The following RNF220 variants were observed in gnomAD, a reference collection of about 807,000 sequenced individuals.
RNF220 encodes E3 ubiquitin-protein ligase RNF220.
In RNF220, 7 loss-of-function variants were observed where a neutral mutation model predicts 67.1. The ratio of observed to expected loss-of-function variants is 0.10; its 90% CI spans 0.06 to 0.20. The LOEUF (loss-of-function observed/expected upper bound fraction) is 0.20. Ranked by LOEUF, RNF220 falls within the 10% of genes least tolerant of loss-of-function variation. RNF220 has a pLI of 1.00. For synonymous variants in RNF220, 270 were observed against 283.2 expected (o/e 0.95, Z 0.47); for missense variants, 565 against 740.3 (o/e 0.76, Z 2.75).
In RNF220 at chr1:44,600,963, T is replaced by G. The variant is rs1374126278; in HGVS notation, c.626-13202T>G. ...TAGGTTTCTCTGAACAAGGCAAATA[T>G]CTATATTACAGGCTCCCACAGCACT... On this transcript the variant is annotated intron_variant, in intron 2 of 14. Transcript: ENST00000361799. This position sits in a 1 kb window ranked among gnomAD's most constrained non-coding sequence, Gnocchi z 4.0. Among the ~76,000 whole-genome samples, 4 of 152,196 alleles carry G rather than the reference T, an allele frequency of 2.6e-5. No homozygotes were observed. The highest frequency in any genetic ancestry group is 4.8e-5 in the African/African-American group (2 of 41,442).
chr1:44,468,866 A>G (rs1484418321), intron 2 of RNF220, among the ~76,000 whole-genome samples: 1 of 152,092 alleles, frequency 6.6e-6, no homozygotes, highest in Non-Finnish European at 1.5e-5. Flanking sequence ...GCAGTGAGCC[A>G]AGATCACACC....
intron 2 of RNF220, among the ~76,000 whole-genome samples, chr1:44,539,082 A>AAAAATTTTACAAAAAAAAAT (rs1661470941): frequency 1.3e-5 from 2 of 149,708 alleles, no homozygotes; most frequent in Admixed American, 1.3e-4. Flanking sequence ...TTAGCCAGGC[A>AAAAATTTTACAAAAAAAAAT]TGGTTGTGGG....
intron 2 of RNF220, among the ~76,000 whole-genome samples, chr1:44,553,869 T>C (rs922691346): frequency 8.5e-5 from 13 of 152,164 alleles, no homozygotes; most frequent in Non-Finnish European, 1.6e-4. Flanking sequence ...ACCCCTGGGA[T>C]TGAAGGAGCA....
intron 2 of RNF220, among the ~76,000 whole-genome samples, chr1:44,466,607 C>T (rs1654293139): frequency 6.6e-6 from 1 of 152,216 alleles, no homozygotes; most frequent in South Asian, 2.1e-4. Context: ...GATCCATGGG[C>T]TGTAGAATGG....
At chr1:44,482,463 T>C (rs986279770) in intron 2 of RNF220, among the ~76,000 whole-genome samples, 6 of 152,180 alleles carry the variant, frequency 3.9e-5, no homozygotes, top group African/African-American at 1.4e-4. Flanking sequence ...AGAATTTTTG[T>C]GTTCCTTCTC....
chr1:44,581,625 C>A (rs1004741745), intron 2 of RNF220, among the ~76,000 whole-genome samples: 2 of 152,082 alleles, frequency 1.3e-5, no homozygotes, highest in Admixed American at 6.6e-5. Context: ...AGAGAGGGAC[C>A]TTTGAGGGAC....
Position 44,412,488 on chromosome 1 carries a change from A to C in RNF220, c.391A>C (p.Ser131Arg). The stretch of plus-strand genomic sequence containing the variant: ...CTTTGCCTCCACCGAGGACCGGGAG[A>C]GCTATCAGTCAGCCTTTACGCCGGC... ...RPFASTEDRE[S>R]YQSAFTPAKR... is the part of the protein sequence containing the mutation. Residue 131 changes from serine to arginine, a missense_variant, in exon 2 of 15, where the codon AGC becomes CGC. Physicochemically the swap from Ser to Arg is moderately radical, Grantham distance 110. Transcript: ENST00000361799. This position sits in a 1 kb window ranked among gnomAD's most constrained non-coding sequence, Gnocchi z 5.3. 6.2e-7 allele frequency: 1 copy of C among 1,611,308 alleles called. No homozygotes were observed. The highest frequency in any genetic ancestry group is 8.5e-7 in the Non-Finnish European group (1 of 1,177,852).
intron 2 of RNF220, among the ~76,000 whole-genome samples, chr1:44,569,873 C>T (rs558256052): frequency 6.6e-6 from 1 of 152,238 alleles, no homozygotes; most frequent in Admixed American, 6.5e-5. Flanking sequence ...GTCCTGGGCC[C>T]CAGCAGGAGT....
intron 2 of RNF220, among the ~76,000 whole-genome samples, chr1:44,530,240 T>A (rs563632069): frequency 1.3e-5 from 2 of 152,252 alleles, no homozygotes; most frequent in East Asian, 3.9e-4. Context: ...TAGTTGGTAA[T>A]TGTGTGCCAT....
chr1:44,617,145 C>A (rs141389089), intron 3 of RNF220, among the ~76,000 whole-genome samples: 201 of 152,294 alleles, frequency 1.3e-3, no homozygotes, highest in Middle Eastern at 3.4e-3. Context: ...CACGCGCCCC[C>A]CTCCAACCGG....
intron 2 of RNF220, among the ~76,000 whole-genome samples, chr1:44,437,535 A>G (rs1414066159): frequency 6.6e-6 from 1 of 152,178 alleles, no homozygotes; most frequent in East Asian, 1.9e-4. Context: ...GTCTGTCAAT[A>G]CATTTACCAT....
intron 2 of RNF220, among the ~76,000 whole-genome samples, chr1:44,424,711 C>A (rs1222659852): frequency 6.6e-6 from 1 of 152,220 alleles, no homozygotes; most frequent in Non-Finnish European, 1.5e-5. Context: ...CACTGCTCCT[C>A]CTCGGATTGC....
chr1:44,509,915 G>A, intron 2 of RNF220, among the ~76,000 whole-genome samples: 7 of 138,332 alleles, frequency 5.1e-5, no homozygotes, highest in South Asian at 2.3e-4. Flanking sequence ...AAGGAAGGAA[G>A]GAAAGAAAGA....
chr1:44,429,137 A>C (rs534919854), intron 2 of RNF220, among the ~76,000 whole-genome samples: 5 of 147,270 alleles, frequency 3.4e-5, no homozygotes, highest in South Asian at 2.2e-4. Context: ...CTTTCCTTCC[A>C]CCTCTACTTT....
At chr1:44,495,102 A>G (rs1481699483) in intron 2 of RNF220, among the ~76,000 whole-genome samples, 1 of 151,976 alleles carries the variant, frequency 6.6e-6, no homozygotes, top group Admixed American at 6.6e-5. Context: ...AGTCCCAGCT[A>G]CTCCGGAGGC....
intron 2 of RNF220, among the ~76,000 whole-genome samples, chr1:44,605,573 C>A (rs1230379769): frequency 1.3e-5 from 2 of 152,128 alleles, no homozygotes; most frequent in Non-Finnish European, 2.9e-5. Context: ...TTTTTGCCCT[C>A]AATAAATTTA....
intron 2 of RNF220, among the ~76,000 whole-genome samples, chr1:44,413,801 T>TC (rs1308174658): frequency 1.3e-5 from 2 of 152,184 alleles, no homozygotes; most frequent in African/African-American, 2.4e-5. Flanking sequence ...ACCATTTTTT[T>TC]CCCTCCTCTT....
At chr1:44,533,848 AG>A (rs1661009868) in intron 2 of RNF220, among the ~76,000 whole-genome samples, 1 of 152,256 alleles carries the variant, frequency 6.6e-6, no homozygotes, top group South Asian at 2.1e-4. Context: ...GAGAGGTAAA[AG>A]AAAGCATCCA....
chr1:44,505,855 G>A (rs1416680486), intron 2 of RNF220, among the ~76,000 whole-genome samples: 49 of 151,718 alleles, frequency 3.2e-4, no homozygotes, highest in Non-Finnish European at 8.8e-5. Flanking sequence ...CTCTTTCTTC[G>A]TTTCTCCCTT....
Sources: allele counts gnomAD v4.1 joint callset (sites outside exome capture counted in the v4.1 genomes callset), GRCh38; gene constraint gnomAD v4.1.1; non-coding constraint Gnocchi (gnomAD v3.1); transcripts MANE v1.5; gene names NCBI Gene and HGNC (gene_info 2026-07-23, HGNC 2026-07-21).